SPECC1: variants seen among roughly 807,000 people sequenced by gnomAD.
The protein encoded by SPECC1 is cytospin-B.
In SPECC1, 62 loss-of-function variants were observed where a neutral mutation model predicts 104.1. The observed-to-expected ratio is 0.60, with a 90% CI of 0.49 to 0.74. The LOEUF is 0.74. Ranked by LOEUF, SPECC1 falls within the 30% of genes least tolerant of loss-of-function variation. The probability of loss-of-function intolerance (pLI) is 0.00; values close to 1 mark genes in which losing one functional copy is unlikely to be tolerated. For missense variants in SPECC1, 1,306 were observed against 1,310.5 expected (o/e 1.00, Z 0.05); for synonymous variants, 513 against 501.6 (o/e 1.02, Z -0.30).
chr17:20,183,144 A>C (rs767832068), intron 3 of SPECC1, among the ~76,000 whole-genome samples: 15 of 152,204 alleles, frequency 9.9e-5, no homozygotes, highest in Non-Finnish European at 1.6e-4. Flanking sequence ...AAGGTGTTCA[A>C]CATCAGTAGT....
At chr17:20,259,878 C>T (rs1452986799) in intron 11 of SPECC1, among the ~76,000 whole-genome samples, 7 of 152,064 alleles carry the variant, frequency 4.6e-5, no homozygotes, top group African/African-American at 1.2e-4. Context: ...GTTTTGTTTA[C>T]GTATCTTTAA....
chr17:20,073,155 C>T (rs1346856310), intron 1 of SPECC1, among the ~76,000 whole-genome samples: 3 of 152,104 alleles, frequency 2.0e-5, no homozygotes, highest in Non-Finnish European at 4.4e-5. Context: ...TTAGTTGGCT[C>T]ACCAGAAGCC....
intron 7 of SPECC1, among the ~76,000 whole-genome samples, chr17:20,235,879 GA>G (rs11341321): frequency 0.38 from 57,379 of 152,094 alleles, 12,262 homozygotes; most frequent in East Asian, 0.8. Context: ...TCCCCTCTTG[GA>G]GGTGAGCAGT....
rs1189768787 is a variant in SPECC1 at position 20,096,939 on chromosome 17, G to A, written c.147+141G>A. 7.3e-6 allele frequency: 8 copies of A among 1,092,990 alleles called. No homozygotes were observed. The African/African-American group carries it at 1.3e-4, about 17-fold the overall frequency. The allele number at this position is 1,092,990 out of a possible 1,614,324, so 67.7% of individuals were successfully genotyped here. A position where few individuals can be genotyped will look rare whatever the true frequency, so the allele number is the denominator to read the frequency against. On this transcript the variant is annotated intron_variant, in intron 2 of 14. Coordinates refer to ENST00000395527, the MANE Select transcript of SPECC1 (RefSeq NM_001243439.2). ...GGAGGGGTCGCAGGAGGACCAGCAT[G>A]CCTGGACATGAAGGAATAGAGCTAG... is the stretch of plus-strand genomic sequence containing the variant.
intron 3 of SPECC1, among the ~76,000 whole-genome samples, chr17:20,151,362 G>T (rs572524610): frequency 6.6e-6 from 1 of 152,172 alleles, no homozygotes; most frequent in Non-Finnish European, 1.5e-5. Flanking sequence ...ACAGTACTGC[G>T]TTGTCAGCAT....
chr17:20,292,730 C>G (rs1438399148), intron 12 of SPECC1, among the ~76,000 whole-genome samples: 1 of 152,182 alleles, frequency 6.6e-6, no homozygotes, highest in East Asian at 1.9e-4. Flanking sequence ...CCAGTGGCCC[C>G]AGAAGTTACA....
chr17:20,166,139 C>A (rs1260869512), intron 3 of SPECC1, among the ~76,000 whole-genome samples: 1 of 152,086 alleles, frequency 6.6e-6, no homozygotes, highest in African/African-American at 2.4e-5. Flanking sequence ...TGAGATAGGA[C>A]CTTTTATATT....
At chr17:20,106,988 C>T (rs981982937) in intron 2 of SPECC1, among the ~76,000 whole-genome samples, 7 of 151,124 alleles carry the variant, frequency 4.6e-5, no homozygotes, top group African/African-American at 1.7e-4. Flanking sequence ...GAAACCCCGT[C>T]TCTACTAAAA....
intron 3 of SPECC1, among the ~76,000 whole-genome samples, chr17:20,154,599 T>C (rs1352109680): frequency 6.6e-6 from 1 of 152,182 alleles, no homozygotes; most frequent in Non-Finnish European, 1.5e-5. Context: ...GTAAGGGCTT[T>C]GACTTTCCCT....
chr17:20,089,463 TA>T (rs2047313696), intron 1 of SPECC1, among the ~76,000 whole-genome samples: 1 of 105,048 alleles, frequency 9.5e-6, no homozygotes, highest in African/African-American at 3.3e-5. Flanking sequence ...TTCGCCTCTA[TA>T]TAAAAAAAAA....
intron 3 of SPECC1, among the ~76,000 whole-genome samples, chr17:20,128,267 G>A (rs949746374): frequency 6.6e-6 from 1 of 152,182 alleles, no homozygotes; most frequent in Non-Finnish European, 1.5e-5. Flanking sequence ...ACAGCTCAGG[G>A]TAAACATTTT....
chr17:20,115,889 G>A (rs2048730081), intron 3 of SPECC1, among the ~76,000 whole-genome samples: 1 of 152,194 alleles, frequency 6.6e-6, no homozygotes, highest in Non-Finnish European at 1.5e-5. Flanking sequence ...AAGGCAGTAA[G>A]ATAAGAGAGA....
At chr17:20,024,612 C>G (rs1239722467) in intron 1 of SPECC1, among the ~76,000 whole-genome samples, 2 of 152,164 alleles carry the variant, frequency 1.3e-5, no homozygotes, top group Non-Finnish European at 2.9e-5. Flanking sequence ...GTCACTGTCT[C>G]TGGCCAAGTA....
chr17:20,038,154 T>G (rs1005351700), intron 1 of SPECC1, among the ~76,000 whole-genome samples: 2 of 152,098 alleles, frequency 1.3e-5, no homozygotes, highest in Non-Finnish European at 2.9e-5. Context: ...TTTATTAATC[T>G]TTCGAAGAAT....
At chr17:20,026,428 C>CT (rs2044603231) in intron 1 of SPECC1, among the ~76,000 whole-genome samples, 1 of 152,242 alleles carries the variant, frequency 6.6e-6, no homozygotes, top group South Asian at 2.1e-4. Context: ...ACTTATTCTT[C>CT]TTACATAGCT....
At chr17:20,297,119 G>A in intron 13 of SPECC1, 42 bp downstream of exon 13, 1 of 1,561,372 alleles carries the variant, frequency 6.4e-7, no homozygotes, top group Non-Finnish European at 8.8e-7. Flanking sequence ...TCTAAGAAAT[G>A]CAGGAGTCCT....
At chr17:20,246,274 A>G (rs1272081801) in intron 8 of SPECC1, among the ~76,000 whole-genome samples, 9 of 152,198 alleles carry the variant, frequency 5.9e-5, no homozygotes, top group Non-Finnish European at 7.4e-5. Flanking sequence ...TGGCTCATGA[A>G]TAACACAAAT....
intron 3 of SPECC1, among the ~76,000 whole-genome samples, chr17:20,152,883 T>C (rs192083344): frequency 6.6e-6 from 1 of 152,260 alleles, no homozygotes; most frequent in Admixed American, 6.5e-5. Context: ...GGCCAGATGG[T>C]CTTGATCTCT....
intron 3 of SPECC1, 128 bp from the exon 4 acceptor site, chr17:20,204,205 A>T: frequency 8.6e-7 from 1 of 1,158,670 alleles, no homozygotes; most frequent in East Asian, 2.4e-5. Context: ...GTAATTAGCT[A>T]GAGGAGGAGG....
Sources: gnomAD v4.1 joint callset for allele counts (sites outside exome capture counted in the v4.1 genomes callset) on GRCh38, gnomAD v4.1.1 for gene constraint, MANE v1.5 for transcripts, NCBI Gene and HGNC (gene_info 2026-07-23, HGNC 2026-07-21) for gene names.